The following NEMP2 variants were observed in gnomAD, a reference collection of about 807,000 sequenced individuals.
The protein encoded by NEMP2 is UPF0571 transmembrane protein.
In NEMP2, 53 loss-of-function variants were observed where a neutral mutation model predicts 54.2. The observed-to-expected ratio is 0.98, with a 90% confidence interval of 0.78 to 1.23. The LOEUF is 1.23. NEMP2 is among the 50% of genes most tolerant of loss of function. NEMP2 has a pLI of 0.00. For missense variants in NEMP2, 455 were observed against 511.3 expected, an observed-to-expected ratio of 0.89 and a Z score of 1.06; for synonymous variants, 197 against 190.3, an observed-to-expected ratio of 1.04 and a Z score of -0.29.
At chr2:190,543,389 T>G in the NEMP2 span, among the ~76,000 whole-genome samples, 1 of 152,174 alleles carries the variant, frequency 6.6e-6, no homozygotes, top group Non-Finnish European at 1.5e-5. This position sits in a 1 kb window ranked among gnomAD's most constrained non-coding sequence, Gnocchi z 4.7. Flanking sequence ...CTCAAGGATA[T>G]TTCTCCCTGG....
chr2:190,622,315 G>T, the NEMP2 span, among the ~76,000 whole-genome samples: 1 of 150,958 alleles, frequency 6.6e-6, no homozygotes, highest in Non-Finnish European at 1.5e-5. Flanking sequence ...GGCTGAGGTG[G>T]GAGGATCTCC....
the NEMP2 span, among the ~76,000 whole-genome samples, chr2:190,477,894 A>T: frequency 6.6e-6 from 1 of 152,192 alleles, no homozygotes; most frequent in Non-Finnish European, 1.5e-5. Flanking sequence ...CTAGATTCTG[A>T]AGGGCGAATA....
the NEMP2 span, among the ~76,000 whole-genome samples, chr2:190,578,988 A>G: frequency 2.6e-5 from 4 of 152,090 alleles, no homozygotes; most frequent in South Asian, 2.1e-4. This position sits in a 1 kb window ranked among gnomAD's most constrained non-coding sequence, Gnocchi z 4.4. Context: ...TTTTTACCAC[A>G]CCCTGATGCG....
the NEMP2 span, among the ~76,000 whole-genome samples, chr2:190,449,738 A>G: frequency 1.4e-3 from 218 of 152,270 alleles, 2 homozygotes; most frequent in African/African-American, 5.2e-3. Context: ...ATTGGAAATC[A>G]TCATTCTCAG....
At chr2:190,563,664 A>T in the NEMP2 span, among the ~76,000 whole-genome samples, 1 of 152,236 alleles carries the variant, frequency 6.6e-6, no homozygotes, top group Non-Finnish European at 1.5e-5. This position sits in a 1 kb window ranked among gnomAD's most constrained non-coding sequence, Gnocchi z 4.3. Flanking sequence ...TCTTTTGTCT[A>T]AATTGAAATA....
the NEMP2 span, among the ~76,000 whole-genome samples, chr2:190,441,036 T>C: frequency 6.6e-6 from 1 of 152,196 alleles, no homozygotes; most frequent in Non-Finnish European, 1.5e-5. Flanking sequence ...GAAGAAACTC[T>C]GCAGCCGGGT....
chr2:190,425,791 G>A, the NEMP2 span, among the ~76,000 whole-genome samples: 1 of 151,934 alleles, frequency 6.6e-6, no homozygotes, highest in African/African-American at 2.4e-5. The surrounding 1 kb of genome is among the most constrained non-coding windows in gnomAD (Gnocchi z 4.3). Context: ...ATTTACCAGG[G>A]ATATTAGTAG....
the NEMP2 span, among the ~76,000 whole-genome samples, chr2:190,643,588 G>A: frequency 6.6e-6 from 1 of 152,200 alleles, no homozygotes; most frequent in African/African-American, 2.4e-5. Flanking sequence ...TTATAGCGCT[G>A]TTGCGAGGAT....
At chr2:190,543,399 G>A in the NEMP2 span, among the ~76,000 whole-genome samples, 1 of 152,166 alleles carries the variant, frequency 6.6e-6, no homozygotes, top group Admixed American at 6.5e-5. The surrounding 1 kb of genome is among the most constrained non-coding windows in gnomAD (Gnocchi z 4.7). Flanking sequence ...TTTCTCCCTG[G>A]CTCACAGTTT....
At chr2:190,607,138 C>T in the NEMP2 span, among the ~76,000 whole-genome samples, 1 of 152,114 alleles carries the variant, frequency 6.6e-6, no homozygotes, top group African/African-American at 2.4e-5. This position sits in a 1 kb window ranked among gnomAD's most constrained non-coding sequence, Gnocchi z 5.2. Flanking sequence ...TGGAATCAGT[C>T]AGAGGAATGT....
At chr2:190,548,128 C>G in the NEMP2 span, among the ~76,000 whole-genome samples, 19 of 152,190 alleles carry the variant, frequency 1.2e-4, no homozygotes, top group Admixed American at 5.9e-4. Context: ...ATGCATTCTG[C>G]AGGTTAGAAT....
the NEMP2 span, among the ~76,000 whole-genome samples, chr2:190,495,062 C>T: frequency 1.3e-5 from 2 of 152,114 alleles, no homozygotes; most frequent in Admixed American, 6.5e-5. The surrounding 1 kb of genome is among the most constrained non-coding windows in gnomAD (Gnocchi z 4.7). Context: ...GTCAAACTGT[C>T]GCTGTTTGCT....
the NEMP2 span, among the ~76,000 whole-genome samples, chr2:190,563,146 G>T: frequency 6.6e-6 from 1 of 152,130 alleles, no homozygotes; most frequent in Non-Finnish European, 1.5e-5. The surrounding 1 kb of genome is among the most constrained non-coding windows in gnomAD (Gnocchi z 4.3). Flanking sequence ...CAGCCCTGTG[G>T]AATGTTTCCT....
the NEMP2 span, chr2:190,465,019 G>GT: frequency 4.9e-6 from 3 of 610,034 alleles, no homozygotes; most frequent in African/African-American, 6.0e-5. This position sits in a 1 kb window ranked among gnomAD's most constrained non-coding sequence, Gnocchi z 4.6. Context: ...ATAATTCATT[G>GT]TATCTATATC....
At chr2:190,458,227 C>T in the NEMP2 span, among the ~76,000 whole-genome samples, 1 of 152,158 alleles carries the variant, frequency 6.6e-6, no homozygotes, top group Non-Finnish European at 1.5e-5. The surrounding 1 kb of genome is among the most constrained non-coding windows in gnomAD (Gnocchi z 5.3). Context: ...TCCTAACCCA[C>T]AGTACCTCAG....
At chr2:190,515,706 A>C (rs1282974677) in intron 6 of NEMP2, among the ~76,000 whole-genome samples, 2 of 152,212 alleles carry the variant, frequency 1.3e-5, no homozygotes, top group African/African-American at 4.8e-5. Flanking sequence ...TTATGTGAGA[A>C]ATTTGGTGCT....
chr2:190,633,592 G>C, the NEMP2 span, among the ~76,000 whole-genome samples: 14 of 152,038 alleles, frequency 9.2e-5, no homozygotes, highest in African/African-American at 3.1e-4. Flanking sequence ...GGGATTACAG[G>C]CATGAGCCAC....
chr2:190,618,019 C>A, the NEMP2 span, among the ~76,000 whole-genome samples: 1 of 152,122 alleles, frequency 6.6e-6, no homozygotes, highest in Non-Finnish European at 1.5e-5. Flanking sequence ...TATCAAGTAG[C>A]TAAATGGAAA....
chr2:190,615,736 C>T, the NEMP2 span, among the ~76,000 whole-genome samples: 1 of 152,180 alleles, frequency 6.6e-6, no homozygotes, highest in Non-Finnish European at 1.5e-5. The surrounding 1 kb of genome is among the most constrained non-coding windows in gnomAD (Gnocchi z 4.7). Context: ...TTCCAGGACC[C>T]CCTAGTGATC....
Sources: allele counts gnomAD v4.1 joint callset (sites outside exome capture counted in the v4.1 genomes callset), GRCh38; gene constraint gnomAD v4.1.1; non-coding constraint Gnocchi (gnomAD v3.1); transcripts MANE v1.5; gene names NCBI Gene and HGNC (gene_info 2026-07-23, HGNC 2026-07-21).